The following DMD variants were observed in gnomAD, a reference collection of about 807,000 sequenced individuals.
The protein encoded by DMD is dystrophin.
In DMD, 63 loss-of-function variants were observed where a neutral mutation model predicts 330.1. The observed-to-expected ratio is 0.19, with a 90% CI of 0.16 to 0.24. DMD has a LOEUF of 0.24. DMD is among the 10% of genes least tolerant of loss of function. The pLI is 1.00. For synonymous variants in DMD, 1,223 were observed against 959.8 expected (o/e 1.27, Z -5.07); for missense variants, 3,344 against 2,684.1 (o/e 1.25, Z -5.43).
At chrX:32,981,346 C>G (rs1249024636) in intron 2 of DMD, among the ~76,000 whole-genome samples, 1 of 111,723 alleles carries the variant, frequency 9.0e-6, no homozygotes, top group Non-Finnish European at 1.9e-5. Flanking sequence ...GCCATTCAAT[C>G]TTTTCCAAAG....
chrX:32,096,835 G>C (rs1328214214), intron 44 of DMD, among the ~76,000 whole-genome samples: 1 of 111,682 alleles, frequency 9.0e-6, no homozygotes, highest in Non-Finnish European at 1.9e-5. Flanking sequence ...TTTAGCATGA[G>C]TCCAGATGAC....
intron 44 of DMD, among the ~76,000 whole-genome samples, chrX:32,123,186 T>C (rs2096644523): frequency 1.2e-5 from 1 of 80,169 alleles, no homozygotes; most frequent in Admixed American, 1.5e-4. Flanking sequence ...GTAAGGTGAA[T>C]GGTTTTGTGA....
intron 51 of DMD, among the ~76,000 whole-genome samples, chrX:31,767,417 A>AGG (rs201007940): frequency 3.2e-3 from 351 of 110,991 alleles, no homozygotes; most frequent in South Asian, 0.017. Flanking sequence ...TAAGAAGTTG[A>AGG]GGGGGGTGGC....
intron 18 of DMD, among the ~76,000 whole-genome samples, chrX:32,506,995 T>C (rs2044696448): frequency 8.9e-6 from 1 of 111,845 alleles, no homozygotes; most frequent in African/African-American, 3.2e-5. Context: ...TATCTGTCCT[T>C]AGCAGCTTAT....
intron 11 of DMD, among the ~76,000 whole-genome samples, chrX:32,629,393 T>C (rs779571989): frequency 8.9e-6 from 1 of 111,897 alleles, no homozygotes; most frequent in Admixed American, 9.5e-5. Flanking sequence ...TTATTTTCAG[T>C]CTATCTTTAT....
chrX:32,091,727 A>G (rs2096476273), intron 44 of DMD, among the ~76,000 whole-genome samples: 2 of 112,055 alleles, frequency 1.8e-5, no homozygotes, highest in East Asian at 2.8e-4. Context: ...AATATATACA[A>G]GACATACACT....
At chrX:32,214,891 A>G (rs905600247) in intron 44 of DMD, among the ~76,000 whole-genome samples, 2 of 112,125 alleles carry the variant, frequency 1.8e-5, no homozygotes, top group African/African-American at 6.5e-5. Flanking sequence ...GTTAAACAAC[A>G]CACTTAATGA....
intron 33 of DMD, 67 bp from the exon 34 acceptor site, chrX:32,380,747 ATTTGGAAC>A: frequency 1.1e-6 from 1 of 903,439 alleles, no homozygotes; most frequent in Non-Finnish European, 1.6e-6. Flanking sequence ...ATAACCACTT[ATTTGGAAC>A]TTTTATATTT....
intron 20 of DMD, among the ~76,000 whole-genome samples, chrX:32,489,321 C>A (rs774880678): frequency 9.3e-6 from 1 of 107,298 alleles, no homozygotes; most frequent in Non-Finnish European, 1.9e-5. Context: ...GTTTATATGA[C>A]GTCATCAGGG....
intron 7 of DMD, among the ~76,000 whole-genome samples, chrX:32,736,418 A>G (rs1220311975): frequency 9.0e-6 from 1 of 111,192 alleles, no homozygotes; most frequent in Admixed American, 9.6e-5. Context: ...GTTACTGGGT[A>G]TATACCCATA....
intron 50 of DMD, among the ~76,000 whole-genome samples, chrX:31,778,791 G>A (rs1603464832): frequency 9.1e-6 from 1 of 110,374 alleles, no homozygotes; most frequent in African/African-American, 3.3e-5. Context: ...GGATGGTCTC[G>A]ATCTCCTGAC....
At chrX:32,470,114 C>A (rs2148470380) in intron 22 of DMD, among the ~76,000 whole-genome samples, 1 of 110,884 alleles carries the variant, frequency 9.0e-6, no homozygotes, top group South Asian at 3.7e-4. Context: ...AAAAAAAATT[C>A]TCATCTTGTA....
At chrX:31,966,568 T>G (rs962579092) in intron 45 of DMD, among the ~76,000 whole-genome samples, 1 of 111,023 alleles carries the variant, frequency 9.0e-6, no homozygotes, top group Non-Finnish European at 1.9e-5. Context: ...CAATATTTAA[T>G]GTAGGTCAAC....
intron 44 of DMD, among the ~76,000 whole-genome samples, chrX:32,060,353 T>C (rs939431535): frequency 2.7e-5 from 3 of 111,418 alleles, no homozygotes; most frequent in African/African-American, 9.8e-5. Context: ...GAATCCTCAA[T>C]TTGTCAATTT....
intron 51 of DMD, among the ~76,000 whole-genome samples, chrX:31,763,451 T>C (rs2089769094): frequency 1.8e-5 from 2 of 111,890 alleles, no homozygotes; most frequent in African/African-American, 6.5e-5. Flanking sequence ...TAATCCCAGC[T>C]ACTCAGGAGG....
At chrX:31,599,029 T>C (rs943936579) in intron 55 of DMD, among the ~76,000 whole-genome samples, 4 of 112,076 alleles carry the variant, frequency 3.6e-5, no homozygotes, top group African/African-American at 1.3e-4. Flanking sequence ...AAGAGATTTA[T>C]GCGATGTATA....
At chrX:32,874,909 CATTAAGT>C (rs2083266345) in intron 2 of DMD, among the ~76,000 whole-genome samples, 1 of 111,476 alleles carries the variant, frequency 9.0e-6, no homozygotes, top group Non-Finnish European at 1.9e-5. Flanking sequence ...TGGCATTAAG[CATTAAGT>C]GAATCTGTCT....
chrX:32,798,932 G>T (rs748661923), intron 7 of DMD, among the ~76,000 whole-genome samples: 2 of 111,234 alleles, frequency 1.8e-5, no homozygotes, highest in African/African-American at 6.5e-5. Context: ...TGCCATTATG[G>T]TATCAAAATG....
intron 30 of DMD, among the ~76,000 whole-genome samples, chrX:32,406,381 C>T (rs768854115): frequency 9.0e-6 from 1 of 110,803 alleles, no homozygotes; most frequent in East Asian, 2.8e-4. Context: ...ATGATATTGG[C>T]TGTGGGTTCA....
Sources: allele counts gnomAD v4.1 joint callset (sites outside exome capture counted in the v4.1 genomes callset), GRCh38; gene constraint gnomAD v4.1.1; transcripts MANE v1.5; gene names NCBI Gene and HGNC (gene_info 2026-07-23, HGNC 2026-07-21).